CYYR1: variants seen among roughly 807,000 people sequenced by gnomAD.
CYYR1 encodes cysteine and tyrosine-rich protein 1.
Under a neutral mutation model 15.2 loss-of-function variants are expected in CYYR1, and 14 were observed. The ratio of observed to expected loss-of-function variants is 0.92; its 90% CI spans 0.61 to 1.44. The LOEUF (loss-of-function observed/expected upper bound fraction) is 1.44, where lower values mean the gene tolerates loss of function less well. Among genes scored for constraint, CYYR1 ranks in the 40% most tolerant of loss-of-function variants. The pLI is 0.00. For missense variants in CYYR1, 228 were observed against 209.5 expected, an observed-to-expected ratio of 1.09 and a Z score of -0.54; for synonymous variants, 80 against 77.4, an observed-to-expected ratio of 1.03 and a Z score of -0.18.
chr21:26,477,349 T>A (rs188558283), intron 3 of CYYR1, among the ~76,000 whole-genome samples: 1 of 152,308 alleles, frequency 6.6e-6, no homozygotes, highest in East Asian at 1.9e-4. Context: ...ATCATGCACA[T>A]TATGTTTTCG....
intron 2 of CYYR1, among the ~76,000 whole-genome samples, chr21:26,520,752 A>AT (rs1269744928): frequency 6.6e-6 from 1 of 152,038 alleles, no homozygotes; most frequent in East Asian, 1.9e-4. Flanking sequence ...TTGTTTCCTG[A>AT]TTTTTTAATA....
rs574225224 is a variant in CYYR1 at position 26,544,702 on chromosome 21, T to C, written c.176+21564A>G. On this transcript the variant is annotated intron_variant, in intron 2 of 3. Transcript: ENST00000652641. ...ATTGTATTAAAATTATTAAACATTA[T>C]TTAAATAAATTCTAAAGGATGATCT... Among the ~76,000 whole-genome samples, 15 of 152,320 alleles carry C rather than the reference T, an allele frequency of 9.8e-5. No individual in the cohort carries two copies. The South Asian group carries it at 2.1e-3, about 21-fold the overall frequency.
At chr21:26,509,513 G>A (rs2065617141) in intron 2 of CYYR1, among the ~76,000 whole-genome samples, 1 of 152,178 alleles carries the variant, frequency 6.6e-6, no homozygotes, top group Non-Finnish European at 1.5e-5. Flanking sequence ...GATAGCAGCT[G>A]TAGAAAGGAT....
At chr21:26,552,236 T>A (rs1490088321) in intron 2 of CYYR1, 1 of 152,264 alleles carries the variant, frequency 6.6e-6, no homozygotes, top group African/African-American at 2.4e-5. Flanking sequence ...CTCACTTTGT[T>A]GCCATATGTG....
chr21:26,539,936 G>A (rs1187733141), intron 2 of CYYR1, among the ~76,000 whole-genome samples: 2 of 152,078 alleles, frequency 1.3e-5, no homozygotes, highest in Non-Finnish European at 2.9e-5. Context: ...TCTCATAATA[G>A]CATATCTCCT....
intron 2 of CYYR1, among the ~76,000 whole-genome samples, chr21:26,544,486 C>CA (rs1235386479): frequency 4.6e-5 from 7 of 152,102 alleles, no homozygotes; most frequent in African/African-American, 1.7e-4. Context: ...ATTTATAAAT[C>CA]AAAACTGATT....
chr21:26,484,395 G>A (rs1025967566), intron 2 of CYYR1, among the ~76,000 whole-genome samples: 1 of 152,058 alleles, frequency 6.6e-6, no homozygotes, highest in Non-Finnish European at 1.5e-5. Context: ...ATGCCATTAA[G>A]AATATCAATA....
intron 2 of CYYR1, among the ~76,000 whole-genome samples, chr21:26,526,382 A>G (rs2123583344): frequency 6.6e-6 from 1 of 152,226 alleles, no homozygotes; most frequent in Middle Eastern, 3.4e-3. Flanking sequence ...TGGGAGGTGG[A>G]GTTTGCAGTG....
intron 2 of CYYR1, among the ~76,000 whole-genome samples, chr21:26,528,427 G>A (rs1355173419): frequency 1.3e-5 from 2 of 152,046 alleles, no homozygotes; most frequent in African/African-American, 4.8e-5. Flanking sequence ...GGTAGTTCAA[G>A]CAAGAGCTGG....
chr21:26,493,340 C>G (rs970315861), intron 2 of CYYR1, among the ~76,000 whole-genome samples: 3 of 152,084 alleles, frequency 2.0e-5, no homozygotes, highest in African/African-American at 7.2e-5. Context: ...GGGTACCAGA[C>G]TGCATCCAGG....
intron 2 of CYYR1, among the ~76,000 whole-genome samples, chr21:26,519,707 A>G (rs2065778254): frequency 6.6e-6 from 1 of 152,124 alleles, no homozygotes. Flanking sequence ...AATTGAGAAT[A>G]AAGTAGAGAT....
At chr21:26,512,076 C>A (rs375533343) in intron 2 of CYYR1, among the ~76,000 whole-genome samples, 1 of 151,972 alleles carries the variant, frequency 6.6e-6, no homozygotes, top group African/African-American at 2.4e-5. Flanking sequence ...TTTTTCCTCT[C>A]GTCTATTTCT....
chr21:26,498,962 ACAATT>A (rs1389809970), intron 2 of CYYR1, among the ~76,000 whole-genome samples: 13 of 152,202 alleles, frequency 8.5e-5, no homozygotes, highest in Admixed American at 7.2e-4. Flanking sequence ...TATGGGAACT[ACAATT>A]CAAGATGAGA....
chr21:26,564,825 T>C, intron 2 of CYYR1: 1 of 1,247,082 alleles, frequency 8.0e-7, no homozygotes, highest in Non-Finnish European at 1.0e-6. Context: ...GACAGCAGCA[T>C]CTGGTATGTG....
intron 3 of CYYR1, among the ~76,000 whole-genome samples, chr21:26,477,075 T>C (rs2065114627): frequency 6.6e-6 from 1 of 152,126 alleles, no homozygotes; most frequent in Admixed American, 6.6e-5. Context: ...AGAGTAATAA[T>C]GTTCACTCTA....
intron 2 of CYYR1, among the ~76,000 whole-genome samples, chr21:26,519,299 A>G (rs538508160): frequency 1.3e-5 from 2 of 152,368 alleles, no homozygotes; most frequent in East Asian, 1.9e-4. Context: ...TGTACAAAGT[A>G]TAAAAGAATG....
At chr21:26,522,915 G>C (rs2065819270) in intron 2 of CYYR1, among the ~76,000 whole-genome samples, 1 of 152,240 alleles carries the variant, frequency 6.6e-6, no homozygotes, top group South Asian at 2.1e-4. Flanking sequence ...AAGCGTGAAT[G>C]TTCAGCTTGG....
chr21:26,526,914 C>T (rs1174767420), intron 2 of CYYR1, among the ~76,000 whole-genome samples: 1 of 152,192 alleles, frequency 6.6e-6, no homozygotes, highest in East Asian at 1.9e-4. Context: ...TACTTGGGAG[C>T]ACATGATGTG....
rs1452279541 is a variant in CYYR1, at chr21:26,519,389, G to T, written c.177-38960C>A. Among the ~76,000 whole-genome samples the T allele has an allele frequency of 2.0e-5, 3 of 152,160 alleles. No individual in the cohort carries two copies. In the East Asian group the frequency reaches 5.8e-4, roughly 29 times the overall value. ...AAGTGGTGAAGGAGTTGGCCAAAGA[G>T]ACATCTGGGTAACAGCATACCAGAC... On this transcript the variant is annotated intron_variant, in intron 2 of 3. Transcript: ENST00000652641.
Sources: allele counts gnomAD v4.1 joint callset (sites outside exome capture counted in the v4.1 genomes callset), GRCh38; gene constraint gnomAD v4.1.1; transcripts MANE v1.5; gene names NCBI Gene and HGNC (gene_info 2026-07-23, HGNC 2026-07-21).